Variants in SFMBT2 observed in about 807,000 individuals in gnomAD.
SFMBT2 encodes scm-like with four MBT domains protein 2.
A neutral mutation model predicts 110.1 loss-of-function variants in SFMBT2; 38 were observed. That is an observed-to-expected ratio of 0.35 (90% CI 0.27 to 0.45). The LOEUF (loss-of-function observed/expected upper bound fraction) is 0.45. SFMBT2 is among the 20% of genes least tolerant of loss of function. SFMBT2 has a pLI of 1.00. For synonymous variants in SFMBT2, 425 were observed against 425.4 expected (o/e 1.00, Z 0.01); for missense variants, 1,011 against 1,094.9 (o/e 0.92, Z 1.08).
intron 8 of SFMBT2, chr10:7,244,048 G>T: frequency 2.2e-6 from 2 of 898,438 alleles, no homozygotes; most frequent in Non-Finnish European, 2.7e-6. Flanking sequence ...TGACAGCCAA[G>T]ACAGGAACTG....
In SFMBT2 at chr10:7,171,088, C is replaced by T. The variant is rs376102425; in HGVS notation, c.2416-32G>A. ...AGAAAGGGCAGGAGGAGCTCAGCTG[C>T]GGCACAGTCAGCTGGCTGGGTCCTC... is the stretch of plus-strand genomic sequence containing the variant. On this transcript the variant is annotated intron_variant, in intron 19 of 20. Coordinates refer to ENST00000397167, the MANE Select transcript of SFMBT2 (RefSeq NM_001387889.1). The surrounding 1 kb of genome is among the most constrained non-coding windows in gnomAD (Gnocchi z 4.9). The T allele has an allele frequency of 1.8e-5, 29 of 1,613,188 alleles. No individual in the cohort carries two copies. Among genetic ancestry groups the T allele is most frequent in the African/African-American group, 5.3e-5 (4 of 74,926 alleles).
intron 1 of SFMBT2, among the ~76,000 whole-genome samples, 99 bp downstream of exon 1, chr10:7,410,762 C>A (rs1236843858): frequency 7.0e-6 from 1 of 141,946 alleles, no homozygotes; most frequent in African/African-American, 2.6e-5. Context: ...TTTTCCTAGG[C>A]TGGAAAAAGC....
In SFMBT2 at chr10:7,285,939, T is replaced by C. The variant is rs370697048; in HGVS notation, c.452A>G (p.Tyr151Cys). Residue 151 changes from tyrosine to cysteine, a missense_variant, in exon 5 of 21, where the codon TAC becomes TGC. By Grantham distance (194) the Tyr-to-Cys change is radical (BLOSUM62 -2). Around this residue, in one of 2 missense-constraint regions of SFMBT2, gnomAD observed 979 missense variants for 1,016.1 expected, o/e 0.96. Transcript: ENST00000397167. ...LMPPDAIKEK[Y>C]TDWTEFLIRD... ...TATGAGAAATTCTGTCCAGTCTGTGTACTTCTCTTTGATTGCTGGCAAGAC... is the reference window on the plus strand; with the variant it reads ...TATGAGAAATTCTGTCCAGTCTGTGCACTTCTCTTTGATTGCTGGCAAGAC... The C allele has an allele frequency of 3.0e-5, 26 of 871,612 alleles. No individual in the cohort carries two copies. The highest frequency in any genetic ancestry group is 5.0e-5 in the Non-Finnish European group (25 of 501,544). The allele number at this position is 871,612 out of a possible 1,614,324, so 54.0% of individuals were successfully genotyped here.
chr10:7,347,355 T>C lies in SFMBT2; in HGVS notation c.436+20294A>G, dbSNP rs140911854. ...AAGAGCAGTAAACTTCTAAATTAAC[T>C]TGAGCCACAGCATTTTAGGGCCTTT... On this transcript the variant is annotated intron_variant, in intron 4 of 20. Coordinates refer to ENST00000397167, the MANE Select transcript of SFMBT2 (RefSeq NM_001387889.1). Among the ~76,000 whole-genome samples the C allele has an allele frequency of 3.3e-3, 498 of 152,296 alleles. 3 individuals carry two copies. Among genetic ancestry groups the C allele is most frequent in the African/African-American group, 0.011 (462 of 41,570 alleles).
chr10:7,206,162 G>T (rs1839130213), intron 11 of SFMBT2: 2 of 985,288 alleles, frequency 2.0e-6, no homozygotes, highest in Admixed American at 6.1e-5. Flanking sequence ...GGGGTTCAGA[G>T]AAAACGAAGG....
At chr10:7,246,785 C>T (rs534973074) in intron 8 of SFMBT2, among the ~76,000 whole-genome samples, 18 of 97,332 alleles carry the variant, frequency 1.8e-4, no homozygotes, top group African/African-American at 5.6e-4. Context: ...CACATCAAGT[C>T]TGTTGAGTTT....
At chr10:7,365,291 G>A (rs755779194) in intron 4 of SFMBT2, among the ~76,000 whole-genome samples, 3 of 152,248 alleles carry the variant, frequency 2.0e-5, no homozygotes, top group Non-Finnish European at 4.4e-5. Flanking sequence ...ACTACTGGCA[G>A]CTCAAGGAGG....
At chr10:7,372,064 T>C (rs946323392) in intron 2 of SFMBT2, among the ~76,000 whole-genome samples, 1 of 151,410 alleles carries the variant, frequency 6.6e-6, no homozygotes, top group Non-Finnish European at 1.5e-5. Context: ...GTAGCTGGGA[T>C]TACAGGCTTG....
intron 12 of SFMBT2, chr10:7,205,201 G>T: frequency 4.8e-6 from 1 of 207,550 alleles, no homozygotes; most frequent in Non-Finnish European, 8.4e-6. Flanking sequence ...TCCCACCTCA[G>T]CCTCCAGAGT....
chr10:7,175,932 T>TAG, intron 17 of SFMBT2, 58 bp downstream of exon 17: 1 of 1,492,260 alleles, frequency 6.7e-7, no homozygotes, highest in Non-Finnish European at 9.2e-7. Context: ...CCAAATACCT[T>TAG]AGAGTGCAGT....
At chr10:7,318,684 G>C (rs951083458) in intron 4 of SFMBT2, among the ~76,000 whole-genome samples, 5 of 152,262 alleles carry the variant, frequency 3.3e-5, no homozygotes, top group Admixed American at 6.5e-5. Context: ...AATGCTGAGG[G>C]AACTGGAGCG....
At chr10:7,262,039 C>T (rs1319853994) in intron 7 of SFMBT2, among the ~76,000 whole-genome samples, 1 of 152,254 alleles carries the variant, frequency 6.6e-6, no homozygotes, top group Non-Finnish European at 1.5e-5. Context: ...CATGGCCACA[C>T]CACTGGGCTC....
chr10:7,245,571 G>C (rs931207554), intron 8 of SFMBT2, among the ~76,000 whole-genome samples: 1 of 152,210 alleles, frequency 6.6e-6, no homozygotes, highest in Admixed American at 6.5e-5. Context: ...ACAGGACTCA[G>C]AACTAATGCC....
intron 4 of SFMBT2, among the ~76,000 whole-genome samples, chr10:7,364,590 T>C (rs564348368): frequency 2.6e-5 from 4 of 152,368 alleles, no homozygotes; most frequent in African/African-American, 9.6e-5. Flanking sequence ...CTAAAACTAT[T>C]CACTAGAGAA....
intron 1 of SFMBT2, among the ~76,000 whole-genome samples, chr10:7,395,907 T>C (rs1845912806): frequency 6.6e-6 from 1 of 152,154 alleles, no homozygotes; most frequent in African/African-American, 2.4e-5. Context: ...TAGTAATTCG[T>C]AGATGTTTGC....
chr10:7,232,428 C>T (rs1010183730), intron 9 of SFMBT2, among the ~76,000 whole-genome samples: 2 of 151,468 alleles, frequency 1.3e-5, no homozygotes, highest in African/African-American at 4.9e-5. Context: ...TGACTGGTAA[C>T]ACTGGAGGAA....
chr10:7,184,492 C>T (rs1036922281), intron 16 of SFMBT2, among the ~76,000 whole-genome samples: 4 of 152,000 alleles, frequency 2.6e-5, no homozygotes, highest in Non-Finnish European at 5.9e-5. Context: ...ACCTTTTTTT[C>T]CTTATAAATT....
rs1041175751 is a variant in SFMBT2, at chr10:7,293,107, G to A, written c.437-7153C>T. 1.3e-5 allele frequency among the ~76,000 whole-genome samples: 2 copies of A among 152,100 alleles called. No individual in the cohort carries two copies. Among genetic ancestry groups the A allele is most frequent in the Non-Finnish European group, 2.9e-5 (2 of 68,006 alleles). On this transcript the variant is annotated intron_variant, in intron 4 of 20. Transcript: ENST00000397167. This position sits in a 1 kb window ranked among gnomAD's most constrained non-coding sequence, Gnocchi z 4.6. ...AGTCTCACTCTGTCTGGAATGCAGT[G>A]GCGCGATCTCGACTCACTGCAACCT... is the stretch of plus-strand genomic sequence containing the variant.
chr10:7,222,787 A>G (rs910076060), intron 10 of SFMBT2, among the ~76,000 whole-genome samples: 1 of 151,962 alleles, frequency 6.6e-6, no homozygotes, highest in African/African-American at 2.4e-5. Flanking sequence ...CTCCTGCCTC[A>G]GCATCCTGAG....
Sources: allele counts gnomAD v4.1 joint callset (sites outside exome capture counted in the v4.1 genomes callset), GRCh38; gene constraint gnomAD v4.1.1; regional missense constraint gnomAD v4.1.1; non-coding constraint Gnocchi (gnomAD v3.1); transcripts MANE v1.5; gene names NCBI Gene and HGNC (gene_info 2026-07-23, HGNC 2026-07-21).